Variants in RSPO4 observed in about 807,000 individuals in gnomAD.
The protein encoded by RSPO4 is R-spondin-4.
A neutral mutation model predicts 24.8 loss-of-function variants in RSPO4; 23 were observed. The ratio of observed to expected loss-of-function variants is 0.93; its 90% CI spans 0.67 to 1.31. RSPO4 has a LOEUF of 1.31. RSPO4 is among the 40% of genes most tolerant of loss of function. The pLI is 0.00. For missense variants in RSPO4, 333 were observed against 316.5 expected (o/e 1.05, Z -0.39); for synonymous variants, 141 against 127.4 (o/e 1.11, Z -0.72).
intron 2 of RSPO4, 149 bp from the exon 3 acceptor site, chr20:967,463 G>T: frequency 2.5e-6 from 2 of 802,394 alleles, no homozygotes; most frequent in East Asian, 2.6e-5. Flanking sequence ...CCCAGACTTG[G>T]CCAAGGTCAA....
chr20:966,181 T>A (rs1312443905), intron 3 of RSPO4, among the ~76,000 whole-genome samples: 1 of 152,046 alleles, frequency 6.6e-6, no homozygotes. Context: ...GGAATGACCA[T>A]GAATGTGAGC....
chr20:966,924 T>G (rs1254968241), intron 3 of RSPO4, among the ~76,000 whole-genome samples: 1 of 152,252 alleles, frequency 6.6e-6, no homozygotes, highest in Non-Finnish European at 1.5e-5. Context: ...ACTCTGCTGA[T>G]TCCCTTGGCA....
chr20:997,180 C>T (rs918383025), intron 1 of RSPO4, among the ~76,000 whole-genome samples: 1 of 152,210 alleles, frequency 6.6e-6, no homozygotes, highest in Admixed American at 6.5e-5. Flanking sequence ...CAGCTCCTGG[C>T]ACATGGCCCG....
chr20:1,002,085 CCTTG>C lies in RSPO4; in HGVS notation c.76_79del (p.Gln26TrpfsTer199). 1.3e-6 allele frequency: 2 copies of C among 1,556,208 alleles called. No homozygotes were observed. The highest frequency in any genetic ancestry group is 1.7e-6 in the Non-Finnish European group (2 of 1,149,572). ...CCGCCCTGCCCAGCCACCCCTTGTA[CCTTG>C]CTTCTTCCTTCGGTTCAGGGCGAGC... On this transcript the variant is annotated frameshift_variant and splice_region_variant, in exon 1 of 5. Coordinates refer to ENST00000217260, the MANE Select transcript of RSPO4 (RefSeq NM_001029871.4). LOFTEE classifies it high-confidence loss of function. The surrounding 1 kb of genome is among the most constrained non-coding windows in gnomAD (Gnocchi z 4.6).
intron 1 of RSPO4, among the ~76,000 whole-genome samples, chr20:980,461 C>T (rs1325526248): frequency 6.6e-6 from 1 of 152,136 alleles, no homozygotes. Context: ...TCCATCCTCC[C>T]CTCACCCCCA....
At position 1,002,247 on chromosome 20, in the gene RSPO4, G is replaced by T; in HGVS notation, c.-83C>A. The T allele has an allele frequency of 1.0e-6, 1 of 968,196 alleles. No individual in the cohort carries two copies. Among genetic ancestry groups the T allele is most frequent in the Non-Finnish European group, 1.3e-6 (1 of 747,630 alleles). 60.0% of individuals were successfully genotyped at this position (968,196 alleles called of 1,614,324 possible). The stretch of plus-strand genomic sequence containing the variant: ...ACGTCCCGGCGGCGGCACGGCGGGC[G>T]CGGGGGCTGCTGTGGGCGCGCCGGG... On this transcript the variant is annotated 5_prime_UTR_variant, in exon 1 of 5. Transcript: ENST00000217260. This position sits in a 1 kb window ranked among gnomAD's most constrained non-coding sequence, Gnocchi z 4.6.
intron 1 of RSPO4, among the ~76,000 whole-genome samples, chr20:987,443 C>G (rs1345238826): frequency 1.3e-5 from 2 of 152,110 alleles, no homozygotes; most frequent in African/African-American, 2.4e-5. Flanking sequence ...AATCCCAGCC[C>G]CACCTTTACT....
chr20:960,706 G>A (rs1026656678), intron 4 of RSPO4, among the ~76,000 whole-genome samples: 1 of 152,204 alleles, frequency 6.6e-6, no homozygotes, highest in Non-Finnish European at 1.5e-5. Context: ...ACTTGTTCAG[G>A]GCCTTCTTGT....
At chr20:991,161 G>C (rs901438385) in intron 1 of RSPO4, among the ~76,000 whole-genome samples, 3 of 152,162 alleles carry the variant, frequency 2.0e-5, no homozygotes, top group Non-Finnish European at 4.4e-5. Flanking sequence ...GGCTGGCCTC[G>C]AACTCCTGGG....
intron 3 of RSPO4, among the ~76,000 whole-genome samples, chr20:964,415 G>A (rs1292701204): frequency 2.0e-5 from 3 of 152,154 alleles, no homozygotes; most frequent in Non-Finnish European, 4.4e-5. Context: ...CGTCAGGTGA[G>A]AAGAAGGAAG....
intron 1 of RSPO4, among the ~76,000 whole-genome samples, chr20:983,212 C>T (rs755195174): frequency 2.6e-5 from 4 of 152,142 alleles, no homozygotes; most frequent in Non-Finnish European, 2.9e-5. Context: ...GCTCCTGTCC[C>T]ACCTTGGACT....
In RSPO4 at chr20:976,756, T is replaced by C. The variant is rs1022048448; in HGVS notation, c.80-8618A>G. 2.0e-5 allele frequency among the ~76,000 whole-genome samples: 3 copies of C among 152,266 alleles called. 1 individual carries two copies. ...CCTCAGTAGCCCAGTGAATCTGTCA[T>C]TGAAATTTCCTTAATACCCAAGCCA... On this transcript the variant is annotated intron_variant, in intron 1 of 4. Coordinates refer to ENST00000217260, the MANE Select transcript of RSPO4 (RefSeq NM_001029871.4).
At chr20:998,291 C>T (rs910327738) in intron 1 of RSPO4, among the ~76,000 whole-genome samples, 2 of 152,122 alleles carry the variant, frequency 1.3e-5, no homozygotes, top group Non-Finnish European at 2.9e-5. Context: ...CCCAAATGGA[C>T]CTCCAGATCT....
intron 1 of RSPO4, among the ~76,000 whole-genome samples, chr20:973,489 T>TG (rs56133016): frequency 1.4e-5 from 2 of 148,022 alleles, no homozygotes; most frequent in East Asian, 2.0e-4. Context: ...TTTGTTTGTT[T>TG]TTGAGATGGA....
At position 971,903 on chromosome 20, in the gene RSPO4, C is replaced by T. The variant is rs192383376; in HGVS notation, c.80-3765G>A. Among the ~76,000 whole-genome samples the T allele has an allele frequency of 3.5e-4, 53 of 152,282 alleles. No individual in the cohort carries two copies. In the East Asian group the frequency reaches 8.1e-3, roughly 23 times the overall value. On this transcript the variant is annotated intron_variant, in intron 1 of 4. Transcript: ENST00000217260. Reference sequence around the variant, plus strand: ...TCTTTCTTCTCCTTCTCCACTAGCTCCCCTCCCAAGCCCTGTCCCATCCTC... The same window carrying T: ...TCTTTCTTCTCCTTCTCCACTAGCTTCCCTCCCAAGCCCTGTCCCATCCTC...
intron 1 of RSPO4, among the ~76,000 whole-genome samples, 165 bp downstream of exon 1, chr20:1,001,921 C>T (rs1985477548): frequency 6.6e-6 from 1 of 152,190 alleles, no homozygotes; most frequent in African/African-American, 2.4e-5. Flanking sequence ...GCCCTGGAGC[C>T]TCAATCTCCC....
At chr20:973,598 C>T (rs922042979) in intron 1 of RSPO4, among the ~76,000 whole-genome samples, 24 of 152,128 alleles carry the variant, frequency 1.6e-4, no homozygotes, top group African/African-American at 4.1e-4. Context: ...CTCAGTCTCC[C>T]GAGCAGCTGG....
chr20:968,240 C>T, intron 1 of RSPO4, 102 bp from the exon 2 acceptor site: 2 of 1,015,936 alleles, frequency 2.0e-6, no homozygotes. Flanking sequence ...AGTAACTGGG[C>T]ACATGGCCAC....
At chr20:980,859 C>A (rs13040573) in intron 1 of RSPO4, among the ~76,000 whole-genome samples, 1 of 152,018 alleles carries the variant, frequency 6.6e-6, no homozygotes, top group African/African-American at 2.4e-5. Flanking sequence ...CAGGGTTGTA[C>A]GTGCATGAAC....
Sources: gnomAD v4.1 joint callset for allele counts (sites outside exome capture counted in the v4.1 genomes callset) on GRCh38, gnomAD v4.1.1 for gene constraint, Gnocchi (gnomAD v3.1) non-coding constraint, MANE v1.5 for transcripts, NCBI Gene and HGNC (gene_info 2026-07-23, HGNC 2026-07-21) for gene names.